VWF: variants seen among roughly 807,000 people sequenced by gnomAD.
VWF encodes the protein Factor VIII related antigen.
In VWF, 176 loss-of-function variants were observed where a neutral mutation model predicts 308.6. That is an observed-to-expected ratio of 0.57 (90% CI 0.50 to 0.65). VWF has a LOEUF of 0.65. Ranked by LOEUF, VWF falls within the 30% of genes least tolerant of loss-of-function variation. The probability of loss-of-function intolerance (pLI) is 0.00; values close to 1 mark genes in which losing one functional copy is unlikely to be tolerated. For missense variants in VWF, 3,146 were observed against 3,648.2 expected (o/e 0.86, Z 3.55); for synonymous variants, 1,385 against 1,443.4 (o/e 0.96, Z 0.92).
Position 6,123,183 on chromosome 12 carries a change from C to G in VWF, c.14G>C (p.Arg5Thr). MIPA[R>T]FAGVLLALAL... The stretch of plus-strand genomic sequence containing the variant: ...CAGAGCAAGCAGCACCCCGGCAAAT[C>G]TGGCAGGAATCATCTGCAAAGAAGC... Residue 5 changes from arginine (R) to threonine (T), a missense_variant, in exon 2 of 52, where the codon AGA (arginine) becomes ACA (threonine). Arg to Thr is a moderately conservative substitution (Grantham distance 71). Around this residue, in one of 3 missense-constraint regions of VWF, gnomAD observed 1,304 missense variants for 1,353.0 expected, o/e 0.96. Coordinates refer to ENST00000261405, the MANE Select transcript of VWF (RefSeq NM_000552.5). 1 of 1,614,230 alleles carries G rather than the reference C, an allele frequency of 6.2e-7. No homozygotes were observed. The highest frequency in any genetic ancestry group is 8.5e-7 in the Non-Finnish European group (1 of 1,180,052).
intron 47 of VWF, among the ~76,000 whole-genome samples, chr12:5,957,660 T>C (rs1264860365): frequency 7.0e-6 from 1 of 143,414 alleles, no homozygotes; most frequent in Non-Finnish European, 1.5e-5. Flanking sequence ...TAGAATTCTA[T>C]ATTCAGTAAA....
intron 5 of VWF, among the ~76,000 whole-genome samples, chr12:6,104,352 T>C (rs1297723043): frequency 6.6e-6 from 1 of 151,014 alleles, no homozygotes; most frequent in African/African-American, 2.4e-5. Context: ...ACAACCTCTA[T>C]GGAAAACAGT....
chr12:6,059,571 C>T (rs565776087), intron 13 of VWF, among the ~76,000 whole-genome samples: 21 of 152,252 alleles, frequency 1.4e-4, no homozygotes, highest in Admixed American at 2.0e-4. Context: ...CCCTGCTTTC[C>T]GGTTCATAGA....
rs1350294126 is a variant in VWF, at chr12:6,060,578, A to C, written c.1533+2376T>G. Among the ~76,000 whole-genome samples the C allele has an allele frequency of 6.6e-6, 1 of 152,174 alleles. No individual in the cohort carries two copies. Among genetic ancestry groups the C allele is most frequent in the East Asian group, 1.9e-4 (1 of 5,192 alleles). On this transcript the variant is annotated intron_variant, in intron 13 of 51. Transcript: ENST00000261405. The surrounding 1 kb of genome is among the most constrained non-coding windows in gnomAD (Gnocchi z 5.1). ...ATAGTCCCTTTCCATGAGCCCCAGG[A>C]ATCTGTGTAAAGAAAAAGAAAAAAG...
chr12:5,984,919 G>A (rs192697093), intron 40 of VWF, 126 bp downstream of exon 40: 52 of 1,008,360 alleles, frequency 5.2e-5, no homozygotes, highest in East Asian at 2.2e-4. Flanking sequence ...GTATCCAGTC[G>A]GTCCTTACCC....
intron 32 of VWF, among the ~76,000 whole-genome samples, chr12:6,012,499 A>C (rs1400312041): frequency 6.6e-6 from 1 of 152,234 alleles, no homozygotes; most frequent in Non-Finnish European, 1.5e-5. Context: ...CTACCAGGAG[A>C]GCTGCCATCT....
In VWF at chr12:5,983,242, A is replaced by C. The variant is rs761604234; in HGVS notation, c.6989T>G (p.Val2330Gly). 3.7e-6 allele frequency: 6 copies of C among 1,613,988 alleles called. No individual in the cohort carries two copies. The highest frequency in any genetic ancestry group is 3.4e-6 in the Non-Finnish European group (4 of 1,179,944). The change falls in exon 41 of 52, where the codon GTG becomes GGG. Residue 2330 changes from valine to glycine, a missense_variant. Val to Gly is a moderately radical substitution (Grantham distance 109, BLOSUM62 -3). Transcript: ENST00000261405. Reference protein sequence around the residue: ...CPEYECVCDPVSCDLPPVPHC... With the variant: ...CPEYECVCDPGSCDLPPVPHC... ...AGGCACTGGGGGCAGGTCACAGCTC[A>C]CTGGGTCACACACTGAGGGCCAGAA...
intron 28 of VWF, among the ~76,000 whole-genome samples, chr12:6,018,007 G>A (rs1944081644): frequency 6.6e-6 from 1 of 151,722 alleles, no homozygotes; most frequent in African/African-American, 2.4e-5. Context: ...TTACCTTGAA[G>A]GCAGAGGGTG....
chr12:6,011,961 C>CA (rs1202667206), intron 33 of VWF, 126 bp downstream of exon 33: 2 of 1,377,104 alleles, frequency 1.5e-6, no homozygotes, highest in Non-Finnish European at 2.1e-6. Context: ...GATGGACCCG[C>CA]AAAAACAAGA....
chr12:6,109,990 G>T (rs1484987894), intron 5 of VWF, among the ~76,000 whole-genome samples: 2 of 152,112 alleles, frequency 1.3e-5, no homozygotes, highest in Non-Finnish European at 2.9e-5. Flanking sequence ...TATTGCTCGT[G>T]AACACACACA....
rs753222012 is a variant in VWF at position 6,075,322 on chromosome 12, G to C, written c.874+13C>G. On this transcript the variant is annotated intron_variant, in intron 7 of 51. Coordinates refer to ENST00000261405, the MANE Select transcript of VWF (RefSeq NM_000552.5). This position sits in a 1 kb window ranked among gnomAD's most constrained non-coding sequence, Gnocchi z 4.7. ...TCCCCGGCAGGGCAGGACGGGGCAG[G>C]GGGCCGACTTACTGCACGCGCTGTG... is the stretch of plus-strand genomic sequence containing the variant. 6 of 1,613,832 alleles carry C rather than the reference G, an allele frequency of 3.7e-6. No individual in the cohort carries two copies. In the South Asian group the frequency reaches 4.4e-5, roughly 12 times the overall value.
rs1033763821 is a variant in VWF at position 6,024,575 on chromosome 12, A to C, written c.3223-788T>G. Among the ~76,000 whole-genome samples the C allele has an allele frequency of 4.6e-5, 7 of 152,246 alleles. No homozygotes were observed. Among genetic ancestry groups the C allele is most frequent in the Non-Finnish European group, 1.0e-4 (7 of 68,048 alleles). ...ATAGATAGAAAGAGAATTGAGATCCATGTTTTCAACCAGTCTCTCCCACAT... is the reference window on the plus strand; with the variant it reads ...ATAGATAGAAAGAGAATTGAGATCCCTGTTTTCAACCAGTCTCTCCCACAT... On this transcript the variant is annotated intron_variant, in intron 24 of 51. Coordinates refer to ENST00000261405, the MANE Select transcript of VWF (RefSeq NM_000552.5). The surrounding 1 kb of genome is among the most constrained non-coding windows in gnomAD (Gnocchi z 4.0).
chr12:6,080,913 C>T (rs948015398), intron 6 of VWF, among the ~76,000 whole-genome samples: 1 of 152,188 alleles, frequency 6.6e-6, no homozygotes, highest in Non-Finnish European at 1.5e-5. Context: ...CTCCGTGTGC[C>T]CTCTTTTCCT....
chr12:6,072,381 G>A lies in VWF; in HGVS notation c.1059C>T (p.Ser353=), dbSNP rs767726061. ...AGGTGCCGGGAGGGTAGCGCTTTCCGGAATGCACGCAGGGACACTCGGTGC... is the reference window on the plus strand; with the variant it reads ...AGGTGCCGGGAGGGTAGCGCTTTCCAGAATGCACGCAGGGACACTCGGTGC... ...VESTECPCVH[S]GKRYPPGTSL... Residue 353 remains serine (S), a synonymous_variant, in exon 9 of 52, where the codon TCC becomes TCT. Coordinates refer to ENST00000261405, the MANE Select transcript of VWF (RefSeq NM_000552.5). 61 of 1,613,950 alleles carry A rather than the reference G, an allele frequency of 3.8e-5. No individual in the cohort carries two copies. Among genetic ancestry groups the A allele is most frequent in the South Asian group, 1.4e-4 (13 of 91,074 alleles).
At position 5,992,498 on chromosome 12, in the gene VWF, C is replaced by T. The variant is rs61909706; in HGVS notation, c.6599-480G>A. ...GAGGCCCAGAATCAGCTGGAGCCAC[C>T]GCCTCCGATCAGTTGTATGACAGAA... On this transcript the variant is annotated intron_variant, in intron 37 of 51. Coordinates refer to ENST00000261405, the MANE Select transcript of VWF (RefSeq NM_000552.5). Among the ~76,000 whole-genome samples, 12 of 152,300 alleles carry T rather than the reference C, an allele frequency of 7.9e-5. No individual in the cohort carries two copies. In the South Asian group the frequency reaches 8.3e-4, roughly 11 times the overall value.
At chr12:5,964,520 T>C (rs1449501186) in intron 47 of VWF, among the ~76,000 whole-genome samples, 2 of 152,204 alleles carry the variant, frequency 1.3e-5, no homozygotes, top group African/African-American at 2.4e-5. Flanking sequence ...TTTTGCCACA[T>C]TTAGTGATCA....
chr12:6,101,577 C>A (rs977852740), intron 5 of VWF, among the ~76,000 whole-genome samples: 1 of 151,114 alleles, frequency 6.6e-6, no homozygotes, highest in Non-Finnish European at 1.5e-5. Context: ...GAGATTGAGA[C>A]CAGCCTGGCC....
At position 6,038,805 on chromosome 12, in the gene VWF, G is replaced by A. The variant is rs537175834; in HGVS notation, c.2443-2314C>T. Among the ~76,000 whole-genome samples, 14 of 152,374 alleles carry A rather than the reference G, an allele frequency of 9.2e-5. No individual in the cohort carries two copies. The South Asian group carries it at 2.9e-3, about 32-fold the overall frequency. ...ACAGTGGTGTGGAGTTAGGTCATAA[G>A]AGAGCTGGAGAGGAGACAAAACATA... On this transcript the variant is annotated intron_variant, in intron 18 of 51. Coordinates refer to ENST00000261405, the MANE Select transcript of VWF (RefSeq NM_000552.5).
chr12:5,965,548 G>T (rs1943392813), intron 47 of VWF, among the ~76,000 whole-genome samples: 1 of 152,198 alleles, frequency 6.6e-6, no homozygotes, highest in African/African-American at 2.4e-5. Flanking sequence ...GCAGTCAGCT[G>T]TCAAGCCTCA....
Sources: gnomAD v4.1 joint callset for allele counts (sites outside exome capture counted in the v4.1 genomes callset) on GRCh38, gnomAD v4.1.1 for gene constraint, gnomAD v4.1.1 regional missense constraint, Gnocchi (gnomAD v3.1) non-coding constraint, MANE v1.5 for transcripts, NCBI Gene and HGNC (gene_info 2026-07-23, HGNC 2026-07-21) for gene names.